Variants in DOP1A observed in about 807,000 individuals in gnomAD.
The protein encoded by DOP1A is DOP1 leucine zipper like protein A, also known as protein DOP1A.
In DOP1A, 90 loss-of-function variants were observed where a neutral mutation model predicts 267.6. That is an observed-to-expected ratio of 0.34 (90% CI 0.28 to 0.40). The LOEUF (loss-of-function observed/expected upper bound fraction) is 0.40. Among genes scored for constraint, DOP1A ranks in the 10% least tolerant of loss-of-function variants. The pLI is 1.00. For missense variants in DOP1A, 2,437 were observed against 2,900.4 expected (o/e 0.84, Z 3.67); for synonymous variants, 932 against 999.1 (o/e 0.93, Z 1.27).
chr6:83,134,976 T>C (rs1778647888), intron 19 of DOP1A, among the ~76,000 whole-genome samples: 1 of 152,150 alleles, frequency 6.6e-6, no homozygotes, highest in South Asian at 2.1e-4. Context: ...TTTTAAGTCA[T>C]CTGATACTGA....
Position 83,152,554 on chromosome 6 carries a change from G to C in DOP1A, c.6129+187G>C, listed in dbSNP as rs183366704. ...GGATTATTTAGTTTGCCAAACATTA[G>C]TGATAAATTTAGATACTGCTTCCCT... On this transcript the variant is annotated intron_variant, in intron 30 of 38. Transcript: ENST00000349129. 1.3e-3 allele frequency among the ~76,000 whole-genome samples: 193 copies of C among 151,214 alleles called. 1 individual carries two copies. The highest frequency in any genetic ancestry group is 7.7e-4 in the Non-Finnish European group (52 of 67,856).
At chr6:83,092,689 T>A (rs973490728) in intron 1 of DOP1A, among the ~76,000 whole-genome samples, 4 of 151,832 alleles carry the variant, frequency 2.6e-5, no homozygotes, top group Non-Finnish European at 5.9e-5. Flanking sequence ...AAAGTTTAAT[T>A]TACAAATTAG....
intron 1 of DOP1A, among the ~76,000 whole-genome samples, chr6:83,070,159 G>C (rs890949408): frequency 8.5e-5 from 13 of 152,076 alleles, no homozygotes; most frequent in African/African-American, 3.1e-4. Context: ...TTTGCTTGCA[G>C]ATAGGAGAGG....
rs746282802 is a variant in DOP1A at position 83,129,442 on chromosome 6, A to G, written c.2275A>G (p.Ser759Gly). The G allele has an allele frequency of 1.9e-6, 3 of 1,587,652 alleles. No homozygotes were observed. The highest frequency in any genetic ancestry group is 2.6e-6 in the Non-Finnish European group (3 of 1,171,920). Residue 759 changes from serine to glycine, a missense_variant, in exon 16 of 39, where the codon AGT becomes GGT. By Grantham distance (56) the Ser-to-Gly change is moderately conservative (BLOSUM62 0). Coordinates refer to ENST00000349129, the MANE Select transcript of DOP1A (RefSeq NM_015018.4). ...AACQLFLECSSFPVYIAEGNH... is the reference protein window; with the variant it reads ...AACQLFLECSGFPVYIAEGNH... ...CTGTCAGCTCTTCCTAGAGTGCTCA[A>G]GTTTCCCAGTTTACATTGCTGAGGG...
At chr6:83,155,878 G>C (rs937929472) in intron 33 of DOP1A, 73 bp from the exon 34 acceptor site, 15 of 1,527,646 alleles carry the variant, frequency 9.8e-6, no homozygotes, top group Admixed American at 2.0e-5. Flanking sequence ...AGAGCATCTA[G>C]CTATTTTAAA....
intron 1 of DOP1A, among the ~76,000 whole-genome samples, chr6:83,090,879 G>T (rs932329463): frequency 7.2e-5 from 11 of 152,016 alleles, no homozygotes; most frequent in African/African-American, 2.7e-4. Flanking sequence ...AATTTTATTT[G>T]CATTAAAGTC....
Position 83,138,122 on chromosome 6 carries a change from C to G in DOP1A, c.4080C>G (p.Phe1360Leu). ...GSPGSRKSPN[F>L]NIHPLYQHVL... ...CAGGATCTCGAAAATCTCCCAATTT[C>G]AACATTCATCCTCTCTATCAACATG... Residue 1360 changes from phenylalanine (F) to leucine (L), a missense_variant, in exon 21 of 39, where the codon TTC becomes TTG. Transcript: ENST00000349129. 1 of 1,613,850 alleles carries G rather than the reference C, an allele frequency of 6.2e-7. No individual in the cohort carries two copies. The highest frequency in any genetic ancestry group is 8.5e-7 in the Non-Finnish European group (1 of 1,179,878).
chr6:83,075,905 G>C (rs937126148), intron 1 of DOP1A, among the ~76,000 whole-genome samples: 1 of 152,170 alleles, frequency 6.6e-6, no homozygotes, highest in Non-Finnish European at 1.5e-5. Context: ...AAACATAGGA[G>C]AAAAGCTTTA....
At chr6:83,080,838 C>A (rs1370036422) in intron 1 of DOP1A, among the ~76,000 whole-genome samples, 3 of 152,124 alleles carry the variant, frequency 2.0e-5, no homozygotes, top group African/African-American at 7.2e-5. Context: ...CCAAAACAAT[C>A]TACAGATTCA....
At chr6:83,091,501 A>T (rs1770396850) in intron 1 of DOP1A, among the ~76,000 whole-genome samples, 1 of 152,230 alleles carries the variant, frequency 6.6e-6, no homozygotes, top group Non-Finnish European at 1.5e-5. Context: ...AAAAAGTAAG[A>T]AAGTTCAAAT....
At chr6:83,099,715 CATATAT>C (rs67469209) in intron 3 of DOP1A, among the ~76,000 whole-genome samples, 6 of 147,032 alleles carry the variant, frequency 4.1e-5, no homozygotes, top group Admixed American at 6.8e-5. Context: ...TGTGTATATA[CATATAT>C]ATATATATAT....
At chr6:83,068,425 G>C (rs1029917659) in intron 1 of DOP1A, among the ~76,000 whole-genome samples, 7 of 152,178 alleles carry the variant, frequency 4.6e-5, no homozygotes, top group African/African-American at 7.2e-5. Context: ...TACCCTGAGG[G>C]GGGCGGGGAA....
chr6:83,124,563 G>T (rs1776845800), intron 12 of DOP1A, 142 bp from the exon 13 acceptor site: 4 of 678,698 alleles, frequency 5.9e-6, no homozygotes, highest in African/African-American at 1.8e-5. Context: ...AGTGGCCTGG[G>T]GGAAATAAAA....
intron 1 of DOP1A, among the ~76,000 whole-genome samples, chr6:83,086,954 G>C (rs535756054): frequency 9.9e-5 from 15 of 152,236 alleles, no homozygotes; most frequent in Non-Finnish European, 1.6e-4. Context: ...AGAGATTCGG[G>C]GGGTAGACTT....
intron 1 of DOP1A, among the ~76,000 whole-genome samples, chr6:83,083,343 C>T (rs1768482939): frequency 6.7e-6 from 1 of 149,098 alleles, no homozygotes; most frequent in Non-Finnish European, 1.5e-5. Flanking sequence ...TCTATATAGC[C>T]GGAAAAGTTT....
At chr6:83,125,789 C>G in intron 15 of DOP1A, 56 bp downstream of exon 15, 1 of 1,414,766 alleles carries the variant, frequency 7.1e-7, no homozygotes, top group Non-Finnish European at 9.7e-7. Context: ...CAAAGCAGAA[C>G]AGTTACTTAG....
chr6:83,097,010 C>T lies in DOP1A; in HGVS notation c.33C>T (p.Asp11=). The change falls in exon 3 of 39, where the codon GAC becomes GAT. Residue 11 remains aspartate, a synonymous_variant. Transcript: ENST00000349129. Reference sequence around the variant, plus strand: ...CAGAAGAGCTGGAGTTATTGAGTGACTCCAAATACAGAAACTATGTAGCAG... The same window carrying T: ...CAGAAGAGCTGGAGTTATTGAGTGATTCCAAATACAGAAACTATGTAGCAG... The part of the protein sequence containing the change: MNTEELELLS[D]SKYRNYVAAI... The T allele has an allele frequency of 6.2e-7, 1 of 1,614,054 alleles. No individual in the cohort carries two copies. The highest frequency in any genetic ancestry group is 8.5e-7 in the Non-Finnish European group (1 of 1,179,970).
chr6:83,126,156 G>A (rs758360220), intron 15 of DOP1A, among the ~76,000 whole-genome samples: 42 of 150,604 alleles, frequency 2.8e-4, no homozygotes, highest in African/African-American at 4.4e-4. Context: ...GCACATCTTC[G>A]TGCTGATTGG....
Position 83,100,971 on chromosome 6 carries a change from AAAAATTG to A in DOP1A, c.320+90_320+96del, listed in dbSNP as rs1377379642. On this transcript the variant is annotated intron_variant, in intron 4 of 38. Coordinates refer to ENST00000349129, the MANE Select transcript of DOP1A (RefSeq NM_015018.4). ...TTTTATACTTTCTGCACTAAAAACTAAAAATTGAAAACTCCTTAGTGATTAGAAGTTT... is the reference window on the plus strand; with the variant it reads ...TTTTATACTTTCTGCACTAAAAACTAAAAACTCCTTAGTGATTAGAAGTTT... The A allele has an allele frequency of 4.4e-6, 4 of 906,536 alleles. No homozygotes were observed. The African/African-American group carries it at 7.0e-5, about 16-fold the overall frequency. The allele number at this position is 906,536 out of a possible 1,614,324, so 56.2% of individuals were successfully genotyped here.
Sources: gnomAD v4.1 joint callset for allele counts (sites outside exome capture counted in the v4.1 genomes callset) on GRCh38, gnomAD v4.1.1 for gene constraint, MANE v1.5 for transcripts, NCBI Gene and HGNC (gene_info 2026-07-23, HGNC 2026-07-21) for gene names.